The following KHDRBS2 variants were observed in gnomAD, a reference collection of about 807,000 sequenced individuals.
KHDRBS2 encodes KH domain-containing, RNA-binding, signal transduction-associated protein 2.
In KHDRBS2, 26 loss-of-function variants were observed where a neutral mutation model predicts 44.3. That is an observed-to-expected ratio of 0.59 (90% CI 0.43 to 0.81). The LOEUF is 0.81. Ranked by LOEUF, KHDRBS2 falls within the 40% of genes least tolerant of loss-of-function variation. The pLI is 0.00. For synonymous variants in KHDRBS2, 194 were observed against 151.1 expected (o/e 1.28, Z -2.08); for missense variants, 476 against 433.1 (o/e 1.10, Z -0.88).
chr6:61,724,894 C>T (rs753154464), intron 7 of KHDRBS2, among the ~76,000 whole-genome samples: 2 of 152,122 alleles, frequency 1.3e-5, no homozygotes, highest in African/African-American at 4.8e-5. Flanking sequence ...CAATATTAGA[C>T]AGATAATCTA....
At chr6:61,551,206 T>A in the KHDRBS2 span, among the ~76,000 whole-genome samples, 1 of 152,330 alleles carries the variant, frequency 6.6e-6, no homozygotes. Flanking sequence ...CTTTTTTCAA[T>A]GGGGTTGATT....
chr6:61,668,317 T>G, the KHDRBS2 span, among the ~76,000 whole-genome samples: 1 of 151,082 alleles, frequency 6.6e-6, no homozygotes, highest in Non-Finnish European at 1.5e-5. Context: ...ATTTATAATT[T>G]TCTAAAAATA....
intron 3 of KHDRBS2, among the ~76,000 whole-genome samples, chr6:62,015,165 G>T (rs1198122633): frequency 6.6e-6 from 1 of 151,792 alleles, no homozygotes; most frequent in Non-Finnish European, 1.5e-5. Flanking sequence ...TTATATCACT[G>T]GTTCAATGAT....
At chr6:62,263,000 A>G (rs1272843927) in intron 1 of KHDRBS2, among the ~76,000 whole-genome samples, 1 of 151,746 alleles carries the variant, frequency 6.6e-6, no homozygotes, top group African/African-American at 2.4e-5. Context: ...AGCAAGCAAA[A>G]AGCAAGAAAT....
intron 2 of KHDRBS2, among the ~76,000 whole-genome samples, chr6:62,139,387 C>T (rs756651075): frequency 8.6e-5 from 13 of 151,888 alleles, no homozygotes; most frequent in Non-Finnish European, 1.6e-4. Flanking sequence ...CCCGTCTCTA[C>T]TAAAAATACA....
intron 3 of KHDRBS2, among the ~76,000 whole-genome samples, chr6:61,985,359 A>G (rs1774851064): frequency 6.6e-6 from 1 of 152,174 alleles, no homozygotes; most frequent in Non-Finnish European, 1.5e-5. Context: ...TATTTCAAAT[A>G]TCAACCTTTT....
chr6:61,760,325 G>C (rs183396173), intron 6 of KHDRBS2, among the ~76,000 whole-genome samples: 1 of 152,238 alleles, frequency 6.6e-6, no homozygotes, highest in Admixed American at 6.5e-5. Context: ...TAGAGAGGAT[G>C]GTTTCTAAAA....
At chr6:61,969,602 T>G (rs1770883475) in intron 4 of KHDRBS2, among the ~76,000 whole-genome samples, 2 of 152,034 alleles carry the variant, frequency 1.3e-5, no homozygotes, top group African/African-American at 4.8e-5. Flanking sequence ...TATCCTGGCT[T>G]ATAAAGTGTC....
At chr6:61,841,485 T>C (rs888911504) in intron 6 of KHDRBS2, among the ~76,000 whole-genome samples, 2 of 152,332 alleles carry the variant, frequency 1.3e-5, no homozygotes, top group South Asian at 2.1e-4. Flanking sequence ...AGAAGATTAA[T>C]TTGGCTTTAC....
chr6:62,135,666 C>G lies in KHDRBS2; in HGVS notation c.219+41519G>C, dbSNP rs192296594. Among the ~76,000 whole-genome samples the G allele has an allele frequency of 1.0e-3, 154 of 152,034 alleles. 1 individual carries two copies. Among genetic ancestry groups the G allele is most frequent in the Non-Finnish European group, 1.2e-4 (8 of 67,978 alleles). On this transcript the variant is annotated intron_variant, in intron 2 of 8. Coordinates refer to ENST00000281156, the MANE Select transcript of KHDRBS2 (RefSeq NM_152688.4). ...AAATGAATGGGTAAAGAAATAGTGA[C>G]ATATATAAATATATATATGTACATA...
intron 3 of KHDRBS2, among the ~76,000 whole-genome samples, chr6:62,019,803 G>A (rs1781920386): frequency 6.6e-6 from 1 of 151,600 alleles, no homozygotes. Context: ...TCTTGATATT[G>A]AGAATTTATT....
At chr6:61,732,982 A>G (rs1298688891) in intron 6 of KHDRBS2, among the ~76,000 whole-genome samples, 1 of 152,210 alleles carries the variant, frequency 6.6e-6, no homozygotes, top group Non-Finnish European at 1.5e-5. Context: ...ATATCATTGA[A>G]GCAGCAATAC....
intron 6 of KHDRBS2, among the ~76,000 whole-genome samples, chr6:61,868,815 G>T (rs1043553008): frequency 6.6e-6 from 1 of 152,190 alleles, no homozygotes; most frequent in Admixed American, 6.5e-5. Context: ...CTTCCAAGGG[G>T]TATTATGGAC....
intron 6 of KHDRBS2, among the ~76,000 whole-genome samples, chr6:61,808,976 C>T (rs559574028): frequency 7.2e-5 from 11 of 151,774 alleles, no homozygotes; most frequent in Non-Finnish European, 1.0e-4. Context: ...ATTTGTTAAA[C>T]GCAATATCTA....
At chr6:61,721,338 G>T (rs941201794) in intron 7 of KHDRBS2, among the ~76,000 whole-genome samples, 1 of 152,044 alleles carries the variant, frequency 6.6e-6, no homozygotes, top group Admixed American at 6.6e-5. Flanking sequence ...AGCTTGATGG[G>T]GGTGGCATTG....
intron 2 of KHDRBS2, among the ~76,000 whole-genome samples, chr6:62,065,927 A>G (rs975963920): frequency 6.6e-6 from 1 of 151,708 alleles, no homozygotes; most frequent in Non-Finnish European, 1.5e-5. Flanking sequence ...ATTATTTACT[A>G]TGCTTCTGCA....
intron 2 of KHDRBS2, among the ~76,000 whole-genome samples, chr6:62,120,587 A>T (rs567171073): frequency 1.1e-4 from 16 of 152,330 alleles, no homozygotes; most frequent in Admixed American, 2.6e-4. Context: ...CAATCAGAAT[A>T]GTCTGATTCA....
intron 1 of KHDRBS2, among the ~76,000 whole-genome samples, chr6:62,201,293 A>G (rs1165941194): frequency 6.6e-6 from 1 of 152,104 alleles, no homozygotes; most frequent in African/African-American, 2.4e-5. Context: ...AGAAGAAAGA[A>G]AGCTTATACT....
the KHDRBS2 span, among the ~76,000 whole-genome samples, chr6:61,617,073 A>T: frequency 6.6e-6 from 1 of 152,192 alleles, no homozygotes; most frequent in African/African-American, 2.4e-5. Context: ...AGAAATGAGG[A>T]TGTAGATGCA....
Sources: allele counts gnomAD v4.1 joint callset (sites outside exome capture counted in the v4.1 genomes callset), GRCh38; gene constraint gnomAD v4.1.1; transcripts MANE v1.5; gene names NCBI Gene and HGNC (gene_info 2026-07-23, HGNC 2026-07-21).